SIK2: variants seen among roughly 807,000 people sequenced by gnomAD.
SIK2 encodes salt inducible kinase 2.
In SIK2, 29 loss-of-function variants were observed where a neutral mutation model predicts 103.2. The observed-to-expected ratio is 0.28, with a 90% CI of 0.21 to 0.38. SIK2 has a LOEUF of 0.38. SIK2 is among the 10% of genes least tolerant of loss of function. SIK2 has a pLI of 1.00. For missense variants in SIK2, 879 were observed against 1,171.0 expected, an observed-to-expected ratio of 0.75 and a Z score of 3.64; for synonymous variants, 412 against 446.1, an observed-to-expected ratio of 0.92 and a Z score of 0.96.
intron 3 of SIK2, among the ~76,000 whole-genome samples, chr11:111,628,290 T>G (rs1941987473): frequency 6.6e-6 from 1 of 152,182 alleles, no homozygotes; most frequent in African/African-American, 2.4e-5. Flanking sequence ...TTTGCAAAAG[T>G]TAAACATTTA....
intron 1 of SIK2, among the ~76,000 whole-genome samples, chr11:111,609,340 G>T (rs1039584564): frequency 1.3e-5 from 2 of 151,408 alleles, no homozygotes; most frequent in Admixed American, 1.3e-4. Context: ...TTTTGGGGGG[G>T]GGACAGGGTC....
chr11:111,676,628 T>G (rs1393549608), intron 3 of SIK2, among the ~76,000 whole-genome samples: 1 of 152,220 alleles, frequency 6.6e-6, no homozygotes, highest in Non-Finnish European at 1.5e-5. Context: ...CTTTGATTTA[T>G]GAATGAATGA....
At chr11:111,673,623 A>G (rs60527143) in intron 3 of SIK2, among the ~76,000 whole-genome samples, 5,938 of 152,282 alleles carry the variant, frequency 0.039, 386 homozygotes, top group African/African-American at 0.13. Context: ...CATTCCATAC[A>G]TCTAACTTCT....
chr11:111,686,272 C>A (rs1465321042), intron 3 of SIK2, among the ~76,000 whole-genome samples: 1 of 152,086 alleles, frequency 6.6e-6, no homozygotes, highest in African/African-American at 2.4e-5. Flanking sequence ...GAAACCTCGT[C>A]TCTACTACAA....
chr11:111,687,874 G>A (rs1335726102), intron 3 of SIK2, 127 bp from the exon 4 acceptor site: 12 of 867,300 alleles, frequency 1.4e-5, no homozygotes, highest in Non-Finnish European at 2.1e-5. Context: ...CAAAGTGCTG[G>A]GACTACAGGC....
intron 3 of SIK2, among the ~76,000 whole-genome samples, chr11:111,629,696 G>A (rs1479886373): frequency 6.6e-6 from 1 of 151,986 alleles, no homozygotes; most frequent in Admixed American, 6.6e-5. Context: ...TATACAAATG[G>A]CCAAAAAGCA....
chr11:111,612,915 G>GATTATATAT (rs1555024098), intron 1 of SIK2, among the ~76,000 whole-genome samples: 4 of 50,028 alleles, frequency 8.0e-5, no homozygotes, highest in African/African-American at 1.9e-4. Context: ...ATAGCAATGG[G>GATTATATAT]ATATATATAT....
chr11:111,716,353 G>C (rs1049679320), intron 9 of SIK2, among the ~76,000 whole-genome samples: 1 of 152,014 alleles, frequency 6.6e-6, no homozygotes, highest in Non-Finnish European at 1.5e-5. Flanking sequence ...AGGCTGGGTG[G>C]ATCACCTGAG....
intron 1 of SIK2, among the ~76,000 whole-genome samples, chr11:111,615,721 A>G (rs1350913773): frequency 6.6e-6 from 1 of 152,218 alleles, no homozygotes; most frequent in Non-Finnish European, 1.5e-5. Context: ...TCAATTTTTA[A>G]AAGAAAGTCC....
rs1942290800 is a variant in SIK2 at position 111,648,782 on chromosome 11, A to AT, written c.316+28386dup. 7.2e-5 allele frequency among the ~76,000 whole-genome samples: 11 copies of AT among 152,164 alleles called. No homozygotes were observed. In the South Asian group the frequency reaches 2.3e-3, roughly 32 times the overall value. On this transcript the variant is annotated intron_variant, in intron 3 of 14. Coordinates refer to ENST00000304987, the MANE Select transcript of SIK2 (RefSeq NM_015191.3). ...TTGTATGTTTGTTCTTGTGTTTTAAATTTTTTCACAATGAGTATACACTGC... is the reference window on the plus strand; with the variant it reads ...TTGTATGTTTGTTCTTGTGTTTTAAATTTTTTTCACAATGAGTATACACTGC...
At position 111,602,603 on chromosome 11, in the gene SIK2, C is replaced by G. The variant is rs1941598239; in HGVS notation, c.40C>G (p.Pro14Ala). The change falls in exon 1 of 15, where the codon CCG becomes GCG. Residue 14 changes from proline to alanine, a missense_variant. Physicochemically the swap from Pro to Ala is conservative, Grantham distance 27. Coordinates refer to ENST00000304987, the MANE Select transcript of SIK2 (RefSeq NM_015191.3). This position sits in a 1 kb window ranked among gnomAD's most constrained non-coding sequence, Gnocchi z 4.5. ...TGGCCCGAGGCACTTGCAGCGCGGG[C>G]CGGTCCGGGTGGGGTTCTACGACAT... The part of the protein sequence containing the change: ...ADGPRHLQRG[P>A]VRVGFYDIEG... 1.6e-5 allele frequency: 24 copies of G among 1,532,996 alleles called. No individual in the cohort carries two copies. The highest frequency in any genetic ancestry group is 2.0e-5 in the Non-Finnish European group (23 of 1,139,636). The allele number at this position is 1,532,996 out of a possible 1,614,324, so 95.0% of individuals were successfully genotyped here.
intron 1 of SIK2, among the ~76,000 whole-genome samples, chr11:111,610,351 G>A (rs1361643007): frequency 3.3e-5 from 5 of 151,904 alleles, no homozygotes; most frequent in Non-Finnish European, 5.9e-5. Context: ...TTAGCCTGGC[G>A]TGGTGGTGCA....
intron 3 of SIK2, among the ~76,000 whole-genome samples, chr11:111,646,626 G>A (rs148195806): frequency 3.4e-3 from 522 of 151,972 alleles, no homozygotes; most frequent in Admixed American, 0.012. Context: ...TCACCCCCGG[G>A]CAACCACTGA....
In SIK2 at chr11:111,602,674, G is replaced by T; in HGVS notation, c.111G>T (p.Gly37=). 6.5e-7 allele frequency: 1 copy of T among 1,527,018 alleles called. No homozygotes were observed. Among genetic ancestry groups the T allele is most frequent in the Non-Finnish European group, 8.8e-7 (1 of 1,135,834 alleles). 94.6% of individuals were successfully genotyped at this position (1,527,018 alleles called of 1,614,324 possible). Residue 37 remains glycine (G), a synonymous_variant, in exon 1 of 15, where the codon GGG becomes GGT. Transcript: ENST00000304987. The surrounding 1 kb of genome is among the most constrained non-coding windows in gnomAD (Gnocchi z 4.5). The stretch of plus-strand genomic sequence containing the variant: ...GCAACTTCGCTGTGGTGAAGCTGGG[G>T]CGGCACCGGATCACCAAGACGGAGG... ...GKGNFAVVKL[G]RHRITKTEVA...
intron 9 of SIK2, among the ~76,000 whole-genome samples, chr11:111,717,518 G>A (rs1227503705): frequency 6.6e-6 from 1 of 152,090 alleles, no homozygotes; most frequent in Non-Finnish European, 1.5e-5. Flanking sequence ...TTCAACCATT[G>A]TGGAAGACAG....
At chr11:111,629,160 G>C (rs910400899) in intron 3 of SIK2, among the ~76,000 whole-genome samples, 1 of 152,096 alleles carries the variant, frequency 6.6e-6, no homozygotes, top group Non-Finnish European at 1.5e-5. Context: ...TAAGCAAGAG[G>C]CATTTCTAAT....
At chr11:111,606,496 C>T (rs1009401788) in intron 1 of SIK2, among the ~76,000 whole-genome samples, 8 of 151,792 alleles carry the variant, frequency 5.3e-5, no homozygotes, top group Non-Finnish European at 1.0e-4. Flanking sequence ...ATAACCTAGG[C>T]GTTTTGTTTA....
At chr11:111,721,783 T>A (rs1275333336) in intron 12 of SIK2, 47 bp from the exon 13 acceptor site, 3 of 1,485,274 alleles carry the variant, frequency 2.0e-6, no homozygotes, top group Non-Finnish European at 2.8e-6. Context: ...CTGAGACGTT[T>A]TTCCCCATGG....
rs1312643780 is a variant in SIK2 at position 111,728,953 on chromosome 11, C to G, written c.*4824C>G. 1 of 152,152 alleles carries G rather than the reference C, an allele frequency of 6.6e-6. No individual in the cohort carries two copies. Among genetic ancestry groups the G allele is most frequent in the Non-Finnish European group, 1.5e-5 (1 of 68,160 alleles). 9.4% of individuals were successfully genotyped at this position (152,152 alleles called of 1,614,324 possible). On this transcript the variant is annotated 3_prime_UTR_variant, in exon 15 of 15. Transcript: ENST00000304987. ...AAAAAAAAAAAGACAAGAGCAGTAT[C>G]ATCTGCCTCTGTTTCTAAACTGGAC...
Sources: allele counts gnomAD v4.1 joint callset (sites outside exome capture counted in the v4.1 genomes callset), GRCh38; gene constraint gnomAD v4.1.1; non-coding constraint Gnocchi (gnomAD v3.1); transcripts MANE v1.5; gene names NCBI Gene and HGNC (gene_info 2026-07-23, HGNC 2026-07-21).